PTPRG: variants seen among roughly 807,000 people sequenced by gnomAD.
PTPRG encodes receptor-type tyrosine-protein phosphatase gamma.
Under a neutral mutation model 165.3 loss-of-function variants are expected in PTPRG, and 102 were observed. That is an observed-to-expected ratio of 0.62 (90% CI 0.53 to 0.73). The LOEUF (loss-of-function observed/expected upper bound fraction) is 0.73, where lower values mean the gene tolerates loss of function less well. PTPRG is among the 30% of genes least tolerant of loss of function. PTPRG has a pLI of 0.00. For synonymous variants in PTPRG, 675 were observed against 669.5 expected, an observed-to-expected ratio of 1.01 and a Z score of -0.13; for missense variants, 1,866 against 1,861.4, an observed-to-expected ratio of 1.00 and a Z score of -0.05.
intron 1 of PTPRG, among the ~76,000 whole-genome samples, chr3:61,617,086 A>G (rs1016586771): frequency 5.9e-5 from 9 of 152,184 alleles, no homozygotes; most frequent in Non-Finnish European, 1.2e-4. Flanking sequence ...TATTTGAGGG[A>G]CAATGTTATA....
chr3:62,105,638 C>T (rs1314487282), intron 5 of PTPRG, among the ~76,000 whole-genome samples: 1 of 152,042 alleles, frequency 6.6e-6, no homozygotes, highest in African/African-American at 2.4e-5. Context: ...CCTCTGGGTG[C>T]GTAAGAAATT....
chr3:61,734,569 G>T (rs985921354), intron 1 of PTPRG, among the ~76,000 whole-genome samples: 1 of 152,162 alleles, frequency 6.6e-6, no homozygotes, highest in African/African-American at 2.4e-5. Flanking sequence ...GTCCCAATTT[G>T]TTCCAGAGTA....
chr3:62,203,626 G>T lies in PTPRG; in HGVS notation c.1831G>T (p.Val611Leu), dbSNP rs372453824. The T allele has an allele frequency of 4.0e-5, 62 of 1,554,850 alleles. No homozygotes were observed. The highest frequency in any genetic ancestry group is 5.1e-5 in the Non-Finnish European group (59 of 1,148,686). ...KDSEKKEKSG[V>L]THAAEERNQT... ...CTCCGAAAAGAAGGAGAAGAGTGGGGTGACCCACGCTGCCGAGGAGCGGAA... is the reference window on the plus strand; with the variant it reads ...CTCCGAAAAGAAGGAGAAGAGTGGGTTGACCCACGCTGCCGAGGAGCGGAA... The change falls in exon 12 of 30, where the codon GTG becomes TTG. Residue 611 changes from valine to leucine, a missense_variant. Physicochemically the swap from Val to Leu is conservative, Grantham distance 32. Transcript: ENST00000474889. The surrounding 1 kb of genome is among the most constrained non-coding windows in gnomAD (Gnocchi z 6.4).
At chr3:61,664,916 A>G (rs1702765991) in intron 1 of PTPRG, among the ~76,000 whole-genome samples, 1 of 152,248 alleles carries the variant, frequency 6.6e-6, no homozygotes, top group Non-Finnish European at 1.5e-5. Context: ...CTGAAGGGTT[A>G]TGTGAAATTT....
rs1703192509 is a variant in PTPRG, at chr3:62,124,173, T to G, written c.616-8429T>G. On this transcript the variant is annotated intron_variant, in intron 5 of 29. Transcript: ENST00000474889. ...TCTGTGAATTTGTTGTTGTCGTTGT[T>G]GTGCAAAGAAAAAAAAGAAGTCATG... The G allele has an allele frequency of 8.3e-6, 6 of 726,990 alleles. 1 individual carries two copies. In the South Asian group the frequency reaches 1.0e-4, roughly 12 times the overall value. 45.0% of individuals were successfully genotyped at this position (726,990 alleles called of 1,614,324 possible).
intron 2 of PTPRG, among the ~76,000 whole-genome samples, chr3:61,787,960 A>G (rs2034759607): frequency 6.6e-6 from 1 of 152,072 alleles, no homozygotes; most frequent in Admixed American, 6.6e-5. Context: ...GGCTCCCGCT[A>G]TCTCAGACAA....
intron 1 of PTPRG, among the ~76,000 whole-genome samples, chr3:61,709,811 A>G (rs545134807): frequency 6.6e-6 from 1 of 152,132 alleles, no homozygotes; most frequent in Admixed American, 6.5e-5. Context: ...TGGTTCTCAA[A>G]TTTCACTGTG....
intron 1 of PTPRG, among the ~76,000 whole-genome samples, chr3:61,670,076 A>G (rs1223933316): frequency 6.6e-6 from 1 of 152,166 alleles, no homozygotes; most frequent in Non-Finnish European, 1.5e-5. Flanking sequence ...TGATGGGGAT[A>G]AATATCTGCT....
At chr3:61,986,266 T>C (rs556925441) in intron 2 of PTPRG, among the ~76,000 whole-genome samples, 1 of 152,280 alleles carries the variant, frequency 6.6e-6, no homozygotes, top group South Asian at 2.1e-4. Context: ...GCCCCTGTGA[T>C]AGGCATTGGA....
rs1700709175 is a variant in PTPRG, at chr3:62,224,079, A to G, written c.2288+5096A>G. Among the ~76,000 whole-genome samples, 1 of 152,128 alleles carries G rather than the reference A, an allele frequency of 6.6e-6. No homozygotes were observed. Among genetic ancestry groups the G allele is most frequent in the Non-Finnish European group, 1.5e-5 (1 of 68,022 alleles). ...AAGGGGTGACTATAATGTTAATGAA[A>G]TTGGTTTGGGTGATGCTCCTAATAG... is the stretch of plus-strand genomic sequence containing the variant. On this transcript the variant is annotated intron_variant, in intron 13 of 29. Coordinates refer to ENST00000474889, the MANE Select transcript of PTPRG (RefSeq NM_002841.4). The surrounding 1 kb of genome is among the most constrained non-coding windows in gnomAD (Gnocchi z 4.9).
intron 2 of PTPRG, among the ~76,000 whole-genome samples, chr3:61,820,116 A>C (rs1363292841): frequency 6.6e-6 from 1 of 152,164 alleles, no homozygotes; most frequent in Non-Finnish European, 1.5e-5. Context: ...AGGGTTCTTC[A>C]GAGGAGCAGA....
rs117517794 is a variant in PTPRG at position 62,124,702 on chromosome 3, C to T, written c.616-7900C>T. Reference sequence around the variant, plus strand: ...CTGCTGAGCTAGCTGCGCTTGGCACCGGACTTGGCTCAGAATCACACTGGC... The same window carrying T: ...CTGCTGAGCTAGCTGCGCTTGGCACTGGACTTGGCTCAGAATCACACTGGC... On this transcript the variant is annotated intron_variant, in intron 5 of 29. Coordinates refer to ENST00000474889, the MANE Select transcript of PTPRG (RefSeq NM_002841.4). 562 of 604,806 alleles carry T rather than the reference C, an allele frequency of 9.3e-4. 4 individuals carry two copies. Among genetic ancestry groups the T allele is most frequent in the East Asian group, 6.2e-3 (222 of 35,926 alleles). The allele number at this position is 604,806 out of a possible 1,614,324, so 37.5% of individuals were successfully genotyped here.
At chr3:61,912,532 A>G (rs956486999) in intron 2 of PTPRG, among the ~76,000 whole-genome samples, 1 of 152,218 alleles carries the variant, frequency 6.6e-6, no homozygotes, top group African/African-American at 2.4e-5. Context: ...TAAAGAAAAA[A>G]AATCCTTTGG....
chr3:61,689,375 A>G (rs114158455), intron 1 of PTPRG, among the ~76,000 whole-genome samples: 2,832 of 152,334 alleles, frequency 0.019, 101 homozygotes, highest in African/African-American at 0.065. Flanking sequence ...AGAATTTTCA[A>G]TAAAACTGGA....
intron 3 of PTPRG, among the ~76,000 whole-genome samples, chr3:61,994,777 G>T (rs193246720): frequency 1.3e-5 from 2 of 152,314 alleles, no homozygotes; most frequent in Admixed American, 6.5e-5. Context: ...ACTTCCACAT[G>T]CTATTTCCCT....
Position 62,173,277 on chromosome 3 carries a change from G to A in PTPRG, c.1033+5114G>A, listed in dbSNP as rs1383825934. 5.3e-5 allele frequency among the ~76,000 whole-genome samples: 8 copies of A among 151,128 alleles called. No individual in the cohort carries two copies. The South Asian group carries it at 1.3e-3, about 24-fold the overall frequency. ...TTTTTTTTCCTTCCAAATATTTTTG[G>A]TCTGTGGTTGGTTGAATCCATGCAT... On this transcript the variant is annotated intron_variant, in intron 8 of 29. Coordinates refer to ENST00000474889, the MANE Select transcript of PTPRG (RefSeq NM_002841.4).
At chr3:62,119,721 A>G (rs1702992166) in intron 5 of PTPRG, among the ~76,000 whole-genome samples, 1 of 151,908 alleles carries the variant, frequency 6.6e-6, no homozygotes, top group Non-Finnish European at 1.5e-5. Flanking sequence ...CCTGGGTTCA[A>G]GTAATTCTCC....
At chr3:61,659,337 T>C in intron 1 of PTPRG, 2 of 985,352 alleles carry the variant, frequency 2.0e-6, no homozygotes, top group Non-Finnish European at 2.4e-6. Flanking sequence ...AGTTGAGGAT[T>C]TTCTTGTTCA....
chr3:62,247,558 C>G (rs948975228), intron 15 of PTPRG, among the ~76,000 whole-genome samples: 7 of 152,124 alleles, frequency 4.6e-5, no homozygotes, highest in East Asian at 3.9e-4. Flanking sequence ...AATCTCCCCT[C>G]TCATCTCTGT....
Sources: allele counts gnomAD v4.1 joint callset (sites outside exome capture counted in the v4.1 genomes callset), GRCh38; gene constraint gnomAD v4.1.1; non-coding constraint Gnocchi (gnomAD v3.1); transcripts MANE v1.5; gene names NCBI Gene and HGNC (gene_info 2026-07-23, HGNC 2026-07-21).